The following TMCC3 variants were observed in gnomAD, a reference collection of about 807,000 sequenced individuals.
TMCC3 encodes the protein transmembrane and coiled-coil domain protein 3.
TMCC3 carries 28 observed loss-of-function variants against 40.2 expected under a neutral mutation model. That is an observed-to-expected ratio of 0.70 (90% CI 0.52 to 0.95). TMCC3 has a LOEUF of 0.95. TMCC3 is among the 40% of genes least tolerant of loss of function. The pLI is 0.00. For missense variants in TMCC3, 554 were observed against 615.2 expected, an observed-to-expected ratio of 0.90 and a Z score of 1.05; for synonymous variants, 255 against 248.5, an observed-to-expected ratio of 1.03 and a Z score of -0.25.
At chr12:94,618,188 C>T (rs1054625429) in intron 1 of TMCC3, among the ~76,000 whole-genome samples, 7 of 152,320 alleles carry the variant, frequency 4.6e-5, no homozygotes, top group African/African-American at 9.6e-5. Flanking sequence ...TTTTCTTCAG[C>T]GTTTGCCTTT....
chr12:94,648,415 C>T (rs1157949705), intron 1 of TMCC3, among the ~76,000 whole-genome samples: 1 of 152,072 alleles, frequency 6.6e-6, no homozygotes, highest in Non-Finnish European at 1.5e-5. Flanking sequence ...TTAGTAGAGA[C>T]AGGGTTTCAC....
chr12:94,592,661 C>CAAACAAAAA (rs1179258894), intron 1 of TMCC3, among the ~76,000 whole-genome samples: 3 of 27,494 alleles, frequency 1.1e-4, no homozygotes, highest in Admixed American at 5.3e-4. Flanking sequence ...GGCTCCATCT[C>CAAACAAAAA]AAAAAAAAAA....
chr12:94,582,965 CTT>C (rs753900771), intron 1 of TMCC3, among the ~76,000 whole-genome samples: 29 of 59,950 alleles, frequency 4.8e-4, no homozygotes, highest in Middle Eastern at 9.4e-3. Flanking sequence ...GAAGGAGAAT[CTT>C]TTTTTTTTTT....
intron 3 of TMCC3, among the ~76,000 whole-genome samples, chr12:94,575,309 A>G (rs1404881551): frequency 6.6e-6 from 1 of 152,228 alleles, no homozygotes; most frequent in Non-Finnish European, 1.5e-5. Context: ...AAGAATGGAC[A>G]GTATTTATTT....
intron 3 of TMCC3, among the ~76,000 whole-genome samples, chr12:94,575,734 G>A (rs781157068): frequency 2.7e-4 from 41 of 152,126 alleles, no homozygotes; most frequent in Non-Finnish European, 5.4e-4. Context: ...ACCACCCAGT[G>A]ACACCCGAAA....
chr12:94,647,356 A>C (rs1265740733), intron 1 of TMCC3, among the ~76,000 whole-genome samples: 1 of 152,226 alleles, frequency 6.6e-6, no homozygotes, highest in Admixed American at 6.5e-5. Context: ...ACACTGCCTC[A>C]TTATTATTCC....
Position 94,609,868 on chromosome 12 carries a change from G to C in TMCC3, c.79-27330C>G, listed in dbSNP as rs1185461250. 2.0e-5 allele frequency: 3 copies of C among 152,134 alleles called. No individual in the cohort carries two copies. The East Asian group carries it at 5.8e-4, about 29-fold the overall frequency. 9.4% of individuals were successfully genotyped at this position (152,134 alleles called of 1,614,324 possible). A position where few individuals can be genotyped will look rare whatever the true frequency, so the allele number is the denominator to read the frequency against. Reference sequence around the variant, plus strand: ...CACGTGTAGACAGTTTCTGGCTATAGATGAGGATACTTATCTTCTTTCATA... The same window carrying C: ...CACGTGTAGACAGTTTCTGGCTATACATGAGGATACTTATCTTCTTTCATA... On this transcript the variant is annotated intron_variant, in intron 1 of 3. Transcript: ENST00000261226.
chr12:94,643,920 G>T (rs763565092), intron 1 of TMCC3, among the ~76,000 whole-genome samples: 2 of 152,192 alleles, frequency 1.3e-5, no homozygotes, highest in African/African-American at 4.8e-5. Context: ...CTAATAATCT[G>T]TCTGGGCCTC....
chr12:94,620,952 GT>G lies in TMCC3; in HGVS notation c.78+29400del, dbSNP rs1241337732. On this transcript the variant is annotated intron_variant, in intron 1 of 3. Transcript: ENST00000261226. ...CACTGAGGAAATTAGGGTAGGGTCA[GT>G]TTGTAAGGTTTTGCCCTAAACCTTA... 4.6e-5 allele frequency among the ~76,000 whole-genome samples: 7 copies of G among 152,208 alleles called. No homozygotes were observed. In the East Asian group the frequency reaches 1.4e-3, roughly 29 times the overall value.
chr12:94,581,834 C>A lies in TMCC3; in HGVS notation c.783G>T (p.Thr261=). 6.2e-7 allele frequency: 1 copy of A among 1,614,014 alleles called. No homozygotes were observed. The highest frequency in any genetic ancestry group is 8.5e-7 in the Non-Finnish European group (1 of 1,179,876). Residue 261 remains threonine (T), a synonymous_variant, in exon 2 of 4, where the codon ACG becomes ACT. Coordinates refer to ENST00000261226, the MANE Select transcript of TMCC3 (RefSeq NM_020698.4). ...YGSDDECSSG[T]SGSADSNGNQ... ...TTCCGTTACTGTCGGCCGAGCCTGA[C>A]GTGCCACTCGAACATTCATCATCAC...
intron 1 of TMCC3, among the ~76,000 whole-genome samples, chr12:94,618,302 A>G (rs539387916): frequency 1.3e-5 from 2 of 152,334 alleles, no homozygotes; most frequent in East Asian, 3.9e-4. Context: ...CTTAGCTCCT[A>G]AAATACATTC....
intron 1 of TMCC3, among the ~76,000 whole-genome samples, chr12:94,629,427 T>C (rs2068920679): frequency 6.6e-6 from 1 of 152,204 alleles, no homozygotes; most frequent in Non-Finnish European, 1.5e-5. Context: ...ATCATTATTA[T>C]CTGTCTGTGG....
Position 94,591,446 on chromosome 12 carries a change from G to GA in TMCC3, c.79-8909dup, listed in dbSNP as rs35097467. Among the ~76,000 whole-genome samples the GA allele has an allele frequency of 7.5e-4, 111 of 147,890 alleles. No individual in the cohort carries two copies. The East Asian group carries it at 0.017, about 23-fold the overall frequency. On this transcript the variant is annotated intron_variant, in intron 1 of 3. Coordinates refer to ENST00000261226, the MANE Select transcript of TMCC3 (RefSeq NM_020698.4). The stretch of plus-strand genomic sequence containing the variant: ...AATTAAAATTGGTGTTTCCTCGTAG[G>GA]AAAAAAAAAAAGAAATATATAAGAT...
intron 1 of TMCC3, among the ~76,000 whole-genome samples, chr12:94,607,754 C>T (rs1162477388): frequency 6.6e-6 from 1 of 152,196 alleles, no homozygotes; most frequent in Non-Finnish European, 1.5e-5. Flanking sequence ...AACTACATAA[C>T]AGTATTTACA....
chr12:94,583,230 C>G (rs1297098537), intron 1 of TMCC3, among the ~76,000 whole-genome samples: 1 of 149,858 alleles, frequency 6.7e-6, no homozygotes, highest in Non-Finnish European at 1.5e-5. Flanking sequence ...CGCTGCTGGG[C>G]GAGGTGGCTC....
chr12:94,576,995 G>T (rs2068569207), intron 3 of TMCC3, among the ~76,000 whole-genome samples: 1 of 152,048 alleles, frequency 6.6e-6, no homozygotes. Flanking sequence ...CCTTGTTTAG[G>T]CCACTTAACC....
intron 1 of TMCC3, among the ~76,000 whole-genome samples, chr12:94,621,042 T>G (rs951917972): frequency 6.6e-6 from 1 of 152,242 alleles, no homozygotes; most frequent in East Asian, 1.9e-4. Flanking sequence ...GAAGGACACA[T>G]TGAATCTTCT....
At chr12:94,622,757 T>C (rs556294205) in intron 1 of TMCC3, among the ~76,000 whole-genome samples, 2 of 151,876 alleles carry the variant, frequency 1.3e-5, no homozygotes, top group East Asian at 3.9e-4. Context: ...ACACGGAGCC[T>C]GTTACTATGA....
chr12:94,574,907 C>G (rs1343965067), intron 3 of TMCC3, among the ~76,000 whole-genome samples: 1 of 152,154 alleles, frequency 6.6e-6, no homozygotes, highest in Non-Finnish European at 1.5e-5. Flanking sequence ...AATTGTCTTA[C>G]AACTGCTGTC....
Sources: gnomAD v4.1 joint callset for allele counts (sites outside exome capture counted in the v4.1 genomes callset) on GRCh38, gnomAD v4.1.1 for gene constraint, MANE v1.5 for transcripts, NCBI Gene and HGNC (gene_info 2026-07-23, HGNC 2026-07-21) for gene names.